The following COG2 variants were observed in gnomAD, a reference collection of about 807,000 sequenced individuals.
The protein encoded by COG2 is component of oligomeric golgi complex 2.
COG2 carries 52 observed loss-of-function variants against 90.6 expected under a neutral mutation model. The observed-to-expected ratio is 0.57, with a 90% CI of 0.46 to 0.72. The LOEUF is 0.72. COG2 is among the 30% of genes least tolerant of loss of function. COG2 has a pLI of 0.00. For missense variants in COG2, 829 were observed against 891.2 expected (o/e 0.93, Z 0.89); for synonymous variants, 337 against 320.4 (o/e 1.05, Z -0.55).
intron 3 of COG2, among the ~76,000 whole-genome samples, 183 bp from the exon 4 acceptor site, chr1:230,662,958 A>T (rs1662218953): frequency 6.6e-6 from 1 of 152,142 alleles, no homozygotes; most frequent in Admixed American, 6.6e-5. Context: ...CCTTGGCTTT[A>T]TATGTCATTT....
rs78227055 is a variant in COG2 at position 230,677,442 on chromosome 1, C to T, written c.1027-1471C>T. ...GAGGTTTACCATTCCAGAAATGCAA[C>T]TTACCTTATCTGTTGGCTGATTGTC... is the stretch of plus-strand genomic sequence containing the variant. On this transcript the variant is annotated intron_variant, in intron 9 of 17. Transcript: ENST00000366669. 4.6e-4 allele frequency among the ~76,000 whole-genome samples: 70 copies of T among 152,306 alleles called. 2 individuals carry two copies. In the East Asian group the frequency reaches 0.012, roughly 26 times the overall value.
Position 230,693,427 on chromosome 1 carries a change from G to A in COG2, c.*34G>A, listed in dbSNP as rs1291431778. The A allele has an allele frequency of 1.4e-6, 2 of 1,398,270 alleles. No homozygotes were observed. The highest frequency in any genetic ancestry group is 1.2e-5 in the South Asian group (1 of 82,600). 86.6% of individuals were successfully genotyped at this position (1,398,270 alleles called of 1,614,324 possible). A position where few individuals can be genotyped will look rare whatever the true frequency, so the allele number is the denominator to read the frequency against. On this transcript the variant is annotated 3_prime_UTR_variant, in exon 18 of 18. Transcript: ENST00000366669. ...GAAGATCCCGAGGTTAGATTCTTAA[G>A]CAAGAGAAGAGTTGGACTTCCAGGC...
intron 9 of COG2, 106 bp downstream of exon 9, chr1:230,675,230 A>C: frequency 7.5e-7 from 1 of 1,334,980 alleles, no homozygotes; most frequent in Non-Finnish European, 9.9e-7. Flanking sequence ...ATTAAAAATA[A>C]AAATTTGAGT....
intron 1 of COG2, among the ~76,000 whole-genome samples, chr1:230,644,020 C>T (rs1661694548): frequency 6.6e-6 from 1 of 152,182 alleles, no homozygotes. Flanking sequence ...TTGTCCATCT[C>T]TTGACTTCTT....
chr1:230,661,281 A>C (rs1007751106), intron 3 of COG2: 3 of 152,310 alleles, frequency 2.0e-5, no homozygotes, highest in African/African-American at 7.2e-5. Context: ...ATAATATACA[A>C]TTAATGTAAT....
rs1296081570 is a variant in COG2 at position 230,685,373 on chromosome 1, T to C, written c.1380+137T>C. On this transcript the variant is annotated intron_variant, in intron 12 of 17. Coordinates refer to ENST00000366669, the MANE Select transcript of COG2 (RefSeq NM_007357.3). Reference sequence around the variant, plus strand: ...CCACAGTAGTCTGACTTCCCAAGATTGTCTCCAGCTCTGTGTCTGTGTTTC... The same window carrying C: ...CCACAGTAGTCTGACTTCCCAAGATCGTCTCCAGCTCTGTGTCTGTGTTTC... 4 of 801,906 alleles carry C rather than the reference T, an allele frequency of 5.0e-6. No homozygotes were observed. The South Asian group carries it at 7.3e-5, about 15-fold the overall frequency. 49.7% of individuals were successfully genotyped at this position (801,906 alleles called of 1,614,324 possible). A position where few individuals can be genotyped will look rare whatever the true frequency, so the allele number is the denominator to read the frequency against.
At chr1:230,648,027 A>G (rs1018859246) in intron 1 of COG2, among the ~76,000 whole-genome samples, 2 of 152,200 alleles carry the variant, frequency 1.3e-5, no homozygotes, top group African/African-American at 4.8e-5. Context: ...CCATTATCTC[A>G]TGACTCCCAG....
chr1:230,670,156 T>C (rs1662414545), intron 7 of COG2: 1 of 152,244 alleles, frequency 6.6e-6, no homozygotes, highest in African/African-American at 2.4e-5. Context: ...CTTCACCTAG[T>C]AGGATATAGT....
In COG2 at chr1:230,642,545, T is replaced by G. The variant is rs949931533; in HGVS notation, c.-62T>G. On this transcript the variant is annotated 5_prime_UTR_variant, in exon 1 of 18. Coordinates refer to ENST00000366669, the MANE Select transcript of COG2 (RefSeq NM_007357.3). ...GCGGTGGCCGCGGCCGCCGAGTCGG[T>G]CTGCGCAGCCTCCTGCGTTTTCTCG... 23 of 1,535,990 alleles carry G rather than the reference T, an allele frequency of 1.5e-5. No individual in the cohort carries two copies. Among genetic ancestry groups the G allele is most frequent in the Non-Finnish European group, 2.0e-5 (23 of 1,127,150 alleles).
chr1:230,664,693 G>T, intron 5 of COG2, 106 bp downstream of exon 5: 1 of 552,726 alleles, frequency 1.8e-6, no homozygotes. Context: ...CCCAGTCTAT[G>T]GCTTAGTGTT....
Position 230,671,517 on chromosome 1 carries a change from T to A in COG2, c.776T>A (p.Val259Glu). Residue 259 changes from valine to glutamate, a missense_variant and splice_region_variant, in exon 8 of 18, where the codon GTG becomes GAG. Val to Glu is a moderately radical substitution (Grantham distance 121). Transcript: ENST00000366669. ...QVLVKPYIDE[V>E]IIEQFVESHP... The stretch of plus-strand genomic sequence containing the variant: ...AAAAAATGATTTTTCTTTTAATAGG[T>A]GATTATAGAGCAGTTTGTTGAATCT... 1.2e-6 allele frequency: 2 copies of A among 1,608,956 alleles called. No individual in the cohort carries two copies. Among genetic ancestry groups the A allele is most frequent in the Non-Finnish European group, 1.7e-6 (2 of 1,177,908 alleles).
chr1:230,667,328 G>C lies in COG2; in HGVS notation c.486-1348G>C, dbSNP rs112312153. On this transcript the variant is annotated intron_variant, in intron 5 of 17. Transcript: ENST00000366669. The stretch of plus-strand genomic sequence containing the variant: ...TATATTCAGTATAATAGACACTGCA[G>C]TCTTCCTTGCTCCGAATCATCTTTG... Among the ~76,000 whole-genome samples, 1,131 of 151,390 alleles carry C rather than the reference G, an allele frequency of 7.5e-3. 13 individuals are homozygous for C. Among genetic ancestry groups the C allele is most frequent in the African/African-American group, 0.026 (1,059 of 41,160 alleles).
chr1:230,683,616 T>A lies in COG2; in HGVS notation c.1209T>A (p.Asp403Glu), dbSNP rs369629638. 1.2e-6 allele frequency: 2 copies of A among 1,612,392 alleles called. No individual in the cohort carries two copies. Among genetic ancestry groups the A allele is most frequent in the South Asian group, 2.2e-5 (2 of 91,048 alleles). Reference protein sequence around the residue: ...IAGSLEAALTDVLEDAPAESP... With the variant: ...IAGSLEAALTEVLEDAPAESP... ...GATCCTTAGAAGCAGCACTTACAGA[T>A]GTCCTGGAAGATGCCCCAGGTAACT... The change falls in exon 11 of 18, where the codon GAT becomes GAA. Residue 403 changes from aspartate (D) to glutamate (E), a missense_variant. Coordinates refer to ENST00000366669, the MANE Select transcript of COG2 (RefSeq NM_007357.3).
chr1:230,659,632 T>G lies in COG2; in HGVS notation c.234+7T>G, dbSNP rs1484601085. 2 of 1,612,446 alleles carry G rather than the reference T, an allele frequency of 1.2e-6. No individual in the cohort carries two copies. The highest frequency in any genetic ancestry group is 8.5e-7 in the Non-Finnish European group (1 of 1,179,290). Reference sequence around the variant, plus strand: ...CAATCTTTCAACAAACTTGGTAAACTTTAAATCCACGGTCCCATTTACATA... The same window carrying G: ...CAATCTTTCAACAAACTTGGTAAACGTTAAATCCACGGTCCCATTTACATA... On this transcript the variant is annotated splice_region_variant and intron_variant, in intron 2 of 17. Transcript: ENST00000366669.
rs773573473 is a variant in COG2 at position 230,687,146 on chromosome 1, C to T, written c.1578+14C>T. 5.6e-6 allele frequency: 9 copies of T among 1,598,962 alleles called. No homozygotes were observed. In the South Asian group the frequency reaches 1.0e-4, roughly 18 times the overall value. On this transcript the variant is annotated intron_variant, in intron 13 of 17. Coordinates refer to ENST00000366669, the MANE Select transcript of COG2 (RefSeq NM_007357.3). ...CTTCAGGAGCAGGTAAGCCTGTGTC[C>T]CAGAATAATTCCAGGTGCTTGGTTT... is the stretch of plus-strand genomic sequence containing the variant.
Position 230,671,553 on chromosome 1 carries a change from G to A in COG2, c.812G>A (p.Gly271Asp). The A allele has an allele frequency of 3.7e-6, 6 of 1,612,994 alleles. No individual in the cohort carries two copies. Among genetic ancestry groups the A allele is most frequent in the Admixed American group, 1.7e-5 (1 of 59,962 alleles). The change falls in exon 8 of 18, where the codon GGC becomes GAC. Residue 271 changes from glycine (G) to aspartate (D), a missense_variant. Gly to Asp is a moderately conservative substitution (Grantham distance 94, BLOSUM62 -1). Transcript: ENST00000366669. ...CAGTTTGTTGAATCTCATCCCAATGGCCTTCAGGTCATGTATAATAAACTC... is the reference window on the plus strand; with the variant it reads ...CAGTTTGTTGAATCTCATCCCAATGACCTTCAGGTCATGTATAATAAACTC... ...IEQFVESHPN[G>D]LQVMYNKLLE...
chr1:230,662,919 A>AT (rs900361972), intron 3 of COG2, among the ~76,000 whole-genome samples: 2 of 151,722 alleles, frequency 1.3e-5, no homozygotes, highest in African/African-American at 4.8e-5. Flanking sequence ...ATATATATTA[A>AT]TTTTCTTTTG....
At position 230,687,054 on chromosome 1, in the gene COG2, G is replaced by A. The variant is rs766809551; in HGVS notation, c.1500G>A (p.Ser500=). ...GNTEDQGSGP[S]ETKPVVSISR... is the part of the protein sequence containing the mutation. ...CTGAAGACCAAGGAAGTGGTCCTTCGGAAACAAAGCCTGTGGTTTCCATTT... is the reference window on the plus strand; with the variant it reads ...CTGAAGACCAAGGAAGTGGTCCTTCAGAAACAAAGCCTGTGGTTTCCATTT... The change falls in exon 13 of 18, where the codon TCG becomes TCA. Residue 500 remains serine (S), a synonymous_variant. Transcript: ENST00000366669. 2.2e-5 allele frequency: 36 copies of A among 1,612,846 alleles called. No homozygotes were observed. Among genetic ancestry groups the A allele is most frequent in the South Asian group, 6.6e-5 (6 of 90,758 alleles).
At chr1:230,660,628 A>C in intron 2 of COG2, 130 bp from the exon 3 acceptor site, 1 of 499,620 alleles carries the variant, frequency 2.0e-6, no homozygotes, top group Non-Finnish European at 3.6e-6. Flanking sequence ...GTTACTTAAC[A>C]ATATATGGTT....
Sources: allele counts gnomAD v4.1 joint callset (sites outside exome capture counted in the v4.1 genomes callset), GRCh38; gene constraint gnomAD v4.1.1; transcripts MANE v1.5; gene names NCBI Gene and HGNC (gene_info 2026-07-23, HGNC 2026-07-21).